AUTS2: variants seen among roughly 807,000 people sequenced by gnomAD.
AUTS2 encodes the protein activator of transcription and developmental regulator AUTS2.
In AUTS2, 17 loss-of-function variants were observed where a neutral mutation model predicts 112.4. The observed-to-expected ratio is 0.15, with a 90% CI of 0.10 to 0.23. The LOEUF is 0.23. Ranked by LOEUF, AUTS2 falls within the 10% of genes least tolerant of loss-of-function variation. The pLI, the probability that AUTS2 is intolerant of heterozygous loss-of-function variation, is 1.00. For synonymous variants in AUTS2, 751 were observed against 702.7 expected, an observed-to-expected ratio of 1.07 and a Z score of -1.09; for missense variants, 1,510 against 1,701.6, an observed-to-expected ratio of 0.89 and a Z score of 1.98.
At chr7:69,637,831 G>A (rs1256679631) in intron 1 of AUTS2, among the ~76,000 whole-genome samples, 1 of 152,178 alleles carries the variant, frequency 6.6e-6, no homozygotes, top group Middle Eastern at 3.2e-3. Context: ...TATACCTCGT[G>A]TATGTGGTCT....
chr7:70,157,435 A>G (rs1807840692), intron 4 of AUTS2, among the ~76,000 whole-genome samples: 1 of 151,974 alleles, frequency 6.6e-6, no homozygotes, highest in South Asian at 2.1e-4. Context: ...ACATGCCACC[A>G]TGCCTGGCTA....
chr7:69,704,824 C>T (rs765008013), intron 1 of AUTS2, among the ~76,000 whole-genome samples: 2 of 152,086 alleles, frequency 1.3e-5, no homozygotes, highest in African/African-American at 4.8e-5. Context: ...TATTCTGACT[C>T]AGTTTCCTGC....
intron 5 of AUTS2, among the ~76,000 whole-genome samples, chr7:70,638,894 C>T (rs1805663341): frequency 6.6e-6 from 1 of 152,162 alleles, no homozygotes; most frequent in Admixed American, 6.5e-5. Context: ...TTGCTGCAGG[C>T]TTCATCTGCA....
intron 2 of AUTS2, among the ~76,000 whole-genome samples, chr7:70,072,955 G>A (rs998952131): frequency 1.3e-5 from 2 of 151,496 alleles, no homozygotes; most frequent in African/African-American, 2.4e-5. Context: ...TCAGATATAA[G>A]CAAAGATCAT....
At chr7:70,038,809 C>T (rs571533808) in intron 2 of AUTS2, among the ~76,000 whole-genome samples, 35 of 152,170 alleles carry the variant, frequency 2.3e-4, no homozygotes, top group Admixed American at 4.6e-4. Context: ...CTCACCCTGT[C>T]GCGCTGGAGT....
At chr7:69,931,982 A>G (rs1322568845) in intron 2 of AUTS2, among the ~76,000 whole-genome samples, 1 of 152,096 alleles carries the variant, frequency 6.6e-6, no homozygotes, top group Admixed American at 6.5e-5. Context: ...TCTCTTCCTC[A>G]CAAAATATGT....
At chr7:70,069,708 G>GTTTTTTTTTTT (rs5884773) in intron 2 of AUTS2, among the ~76,000 whole-genome samples, 1 of 139,408 alleles carries the variant, frequency 7.2e-6, no homozygotes, top group Non-Finnish European at 1.6e-5. Context: ...GGTTTTTTTT[G>GTTTTTTTTTTT]TTTTTTTTTT....
intron 2 of AUTS2, among the ~76,000 whole-genome samples, chr7:69,947,362 C>T (rs1009571184): frequency 1.3e-5 from 2 of 152,128 alleles, no homozygotes; most frequent in African/African-American, 4.8e-5. Flanking sequence ...CGAGAAAAGC[C>T]ACTGATCGTC....
At chr7:70,063,583 CAG>C (rs974161002) in intron 2 of AUTS2, among the ~76,000 whole-genome samples, 3 of 152,120 alleles carry the variant, frequency 2.0e-5, no homozygotes, top group African/African-American at 7.2e-5. Flanking sequence ...ATGGCAGAAA[CAG>C]AAAGTGTCGT....
chr7:69,599,863 C>T lies in AUTS2; in HGVS notation c.210C>T (p.Pro70=), dbSNP rs753526278. The change falls in exon 1 of 19, where the codon CCC becomes CCT. Residue 70 remains proline (P), a synonymous_variant. Coordinates refer to ENST00000342771, the MANE Select transcript of AUTS2 (RefSeq NM_015570.4). The surrounding 1 kb of genome is among the most constrained non-coding windows in gnomAD (Gnocchi z 7.0). ...CCCCGTCCTCCGCCCCGTCCCGGCC[C>T]AGACCCCCGCGGAGGAAGCGGAGAG... ...GKPPSSAPSR[P]RPPRRKRRES... is the part of the protein sequence containing the mutation. 84 of 1,613,206 alleles carry T rather than the reference C, an allele frequency of 5.2e-5. No individual in the cohort carries two copies. The highest frequency in any genetic ancestry group is 1.7e-4 in the Admixed American group (10 of 60,002).
intron 2 of AUTS2, among the ~76,000 whole-genome samples, chr7:70,005,132 A>T (rs1051260431): frequency 6.7e-6 from 1 of 149,686 alleles, no homozygotes; most frequent in African/African-American, 2.5e-5. Flanking sequence ...ACTTTGAAAT[A>T]TTTTTTTTTT....
Position 69,802,709 on chromosome 7 carries a change from C to A in AUTS2, c.310-96577C>A, listed in dbSNP as rs576395890. Among the ~76,000 whole-genome samples, 29 of 152,230 alleles carry A rather than the reference C, an allele frequency of 1.9e-4. No homozygotes were observed. The South Asian group carries it at 5.0e-3, about 26-fold the overall frequency. On this transcript the variant is annotated intron_variant, in intron 1 of 18. Coordinates refer to ENST00000342771, the MANE Select transcript of AUTS2 (RefSeq NM_015570.4). ...CACCTGACTTTTTGGGGTAAGTAAACCAACATCTTGCTTTTCAGTGTTTTG... is the reference window on the plus strand; with the variant it reads ...CACCTGACTTTTTGGGGTAAGTAAAACAACATCTTGCTTTTCAGTGTTTTG...
chr7:70,533,181 A>C (rs993442122), intron 5 of AUTS2, among the ~76,000 whole-genome samples: 1 of 152,182 alleles, frequency 6.6e-6, no homozygotes, highest in African/African-American at 2.4e-5. Flanking sequence ...GGAGTGCAGT[A>C]GCATGAACAC....
chr7:70,363,843 A>G (rs966218650), intron 4 of AUTS2, among the ~76,000 whole-genome samples: 3 of 152,162 alleles, frequency 2.0e-5, no homozygotes, highest in African/African-American at 4.8e-5. Flanking sequence ...TCCTCCTTCT[A>G]TGGACTCTTA....
chr7:70,120,924 TCA>T (rs1805648177), intron 3 of AUTS2, among the ~76,000 whole-genome samples: 2 of 152,172 alleles, frequency 1.3e-5, no homozygotes, highest in African/African-American at 4.8e-5. Context: ...GTTAGAGGAC[TCA>T]CACTTACCAA....
chr7:70,505,431 T>G (rs553612749), intron 5 of AUTS2, among the ~76,000 whole-genome samples: 5 of 152,312 alleles, frequency 3.3e-5, no homozygotes, highest in African/African-American at 1.2e-4. Flanking sequence ...TCCAAACAGC[T>G]GTTATTCAGA....
chr7:69,806,408 A>G (rs17353920), intron 1 of AUTS2, among the ~76,000 whole-genome samples: 4,281 of 151,910 alleles, frequency 0.028, 80 homozygotes, highest in South Asian at 0.045. Flanking sequence ...AGGGCGTTAT[A>G]CTTGTTGAAC....
At chr7:70,028,085 C>G (rs1290428279) in intron 2 of AUTS2, among the ~76,000 whole-genome samples, 1 of 151,464 alleles carries the variant, frequency 6.6e-6, no homozygotes, top group East Asian at 2.0e-4. Flanking sequence ...CCTCATCTTG[C>G]TTGCACACAC....
chr7:69,637,345 C>T (rs1218226892), intron 1 of AUTS2, among the ~76,000 whole-genome samples: 1 of 152,148 alleles, frequency 6.6e-6, no homozygotes, highest in Non-Finnish European at 1.5e-5. Flanking sequence ...TCAGTAATGA[C>T]AGCTTTATGT....
Sources: allele counts gnomAD v4.1 joint callset (sites outside exome capture counted in the v4.1 genomes callset), GRCh38; gene constraint gnomAD v4.1.1; non-coding constraint Gnocchi (gnomAD v3.1); transcripts MANE v1.5; gene names NCBI Gene and HGNC (gene_info 2026-07-23, HGNC 2026-07-21).